The following RORA variants were observed in gnomAD, a reference collection of about 807,000 sequenced individuals.
RORA encodes the protein nuclear receptor ROR-alpha.
In RORA, 7 loss-of-function variants were observed where a neutral mutation model predicts 69.5. That is an observed-to-expected ratio of 0.10 (90% CI 0.06 to 0.19). The LOEUF (loss-of-function observed/expected upper bound fraction) is 0.19. RORA is among the 10% of genes least tolerant of loss of function. RORA has a pLI of 1.00. For synonymous variants in RORA, 261 were observed against 240.8 expected (o/e 1.08, Z -0.78); for missense variants, 457 against 663.0 (o/e 0.69, Z 3.41).
rs1159453576 is a variant in RORA at position 60,490,058 on chromosome 15, TAC to T, written c.*7395_*7396del. On this transcript the variant is annotated 3_prime_UTR_variant, in exon 11 of 11. Coordinates refer to ENST00000335670, the MANE Select transcript of RORA (RefSeq NM_134261.3). The surrounding 1 kb of genome is among the most constrained non-coding windows in gnomAD (Gnocchi z 4.1). Reference sequence around the variant, plus strand: ...AGGAAGTAATTTTATCCTAATTAAATACACTCTAGAATAATTTATATAATGAT... The same window carrying T: ...AGGAAGTAATTTTATCCTAATTAAATACTCTAGAATAATTTATATAATGAT... 1 of 151,882 alleles carries T rather than the reference TAC, an allele frequency of 6.6e-6. No homozygotes were observed. Among genetic ancestry groups the T allele is most frequent in the Non-Finnish European group, 1.5e-5 (1 of 67,940 alleles). 9.4% of individuals were successfully genotyped at this position (151,882 alleles called of 1,614,324 possible). A position where few individuals can be genotyped will look rare whatever the true frequency, so the allele number is the denominator to read the frequency against.
intron 2 of RORA, among the ~76,000 whole-genome samples, chr15:60,566,724 G>A (rs2067723056): frequency 6.6e-6 from 1 of 152,182 alleles, no homozygotes; most frequent in South Asian, 2.1e-4. Flanking sequence ...CACAGAGAAT[G>A]AATATCGCAC....
In RORA at chr15:60,500,021, G is replaced by T. The variant is rs769310097; in HGVS notation, c.1295-17C>A. 1.5e-5 allele frequency: 23 copies of T among 1,506,054 alleles called. No individual in the cohort carries two copies. The East Asian group carries it at 3.6e-4, about 24-fold the overall frequency. 93.3% of individuals were successfully genotyped at this position (1,506,054 alleles called of 1,614,324 possible). On this transcript the variant is annotated splice_polypyrimidine_tract_variant and intron_variant, in intron 9 of 10. Coordinates refer to ENST00000335670, the MANE Select transcript of RORA (RefSeq NM_134261.3). ...ATGAGCGATCTAAGCATAAAAAAAT[G>T]ATATTCTTTAGCATTCCTCTGACAT...
At chr15:60,752,695 G>C (rs1191823310) in intron 1 of RORA, among the ~76,000 whole-genome samples, 1 of 150,794 alleles carries the variant, frequency 6.6e-6, no homozygotes, top group African/African-American at 2.4e-5. Context: ...GCACTGCTGG[G>C]AAAACAACCA....
At chr15:60,669,847 G>T (rs956531454) in intron 2 of RORA, among the ~76,000 whole-genome samples, 5 of 152,188 alleles carry the variant, frequency 3.3e-5, no homozygotes, top group African/African-American at 1.2e-4. Context: ...ATTACTGAAA[G>T]TTCCTCAAAT....
chr15:60,825,566 T>C (rs1038652560), intron 1 of RORA, among the ~76,000 whole-genome samples: 1 of 152,180 alleles, frequency 6.6e-6, no homozygotes, highest in Admixed American at 6.5e-5. Flanking sequence ...AGTGAAATCC[T>C]AGCATATACA....
rs79947002 is a variant in RORA, at chr15:60,662,876, C to T, written c.196+15781G>A. 6.2e-3 allele frequency among the ~76,000 whole-genome samples: 939 copies of T among 152,294 alleles called. 44 individuals carry two copies. The East Asian group carries it at 0.091, about 15-fold the overall frequency. ...CCTTTAGGATGGAGGCCCTCATTCC[C>T]CTGGGGCCCTGAGTGTTGACTGCCA... On this transcript the variant is annotated intron_variant, in intron 2 of 10. Transcript: ENST00000335670.
rs34024444 is a variant in RORA at position 60,943,306 on chromosome 15, A to ATT, written c.167-264622_167-264621dup. Among the ~76,000 whole-genome samples, 48 of 146,370 alleles carry ATT rather than the reference A, an allele frequency of 3.3e-4. No individual in the cohort carries two copies. The East Asian group carries it at 6.4e-3, about 20-fold the overall frequency. ...TTTAACCTCTCACATGTCTTTCTTA[A>ATT]TTTTTTTTTTTTTTCACTTTTAAAG... On this transcript the variant is annotated intron_variant, in intron 1 of 10. Coordinates refer to ENST00000335670, the MANE Select transcript of RORA (RefSeq NM_134261.3).
intron 2 of RORA, among the ~76,000 whole-genome samples, chr15:60,646,460 T>G (rs1343147683): frequency 6.6e-6 from 1 of 152,212 alleles, no homozygotes; most frequent in Non-Finnish European, 1.5e-5. Flanking sequence ...CCTCATGGTA[T>G]CACTTTTGAA....
chr15:60,839,742 T>C (rs1412755705), intron 1 of RORA, among the ~76,000 whole-genome samples: 1 of 151,928 alleles, frequency 6.6e-6, no homozygotes, highest in East Asian at 1.9e-4. Context: ...CCCCATGGAG[T>C]TGTGAGACAC....
chr15:60,890,199 C>T (rs1204658089), intron 1 of RORA, among the ~76,000 whole-genome samples: 1 of 152,164 alleles, frequency 6.6e-6, no homozygotes, highest in Non-Finnish European at 1.5e-5. Context: ...GGCACTTTCA[C>T]GTTCATTTAT....
intron 1 of RORA, among the ~76,000 whole-genome samples, chr15:60,900,903 C>G (rs886858273): frequency 2.0e-5 from 3 of 151,890 alleles, no homozygotes; most frequent in Non-Finnish European, 4.4e-5. Flanking sequence ...AAAATAGGAC[C>G]ATATGGCCTT....
chr15:60,542,557 CCT>C (rs1456284880), intron 2 of RORA, among the ~76,000 whole-genome samples: 1 of 130,288 alleles, frequency 7.7e-6, no homozygotes, highest in Non-Finnish European at 1.5e-5. Context: ...CACATGCACA[CCT>C]CACACACACG....
At chr15:60,954,923 ATACT>A (rs1893222444) in intron 1 of RORA, among the ~76,000 whole-genome samples, 2 of 152,152 alleles carry the variant, frequency 1.3e-5, no homozygotes, top group Non-Finnish European at 2.9e-5. Flanking sequence ...GACTCAATAC[ATACT>A]TACTGAGGAA....
intron 5 of RORA, among the ~76,000 whole-genome samples, chr15:60,508,248 C>T (rs1363498177): frequency 6.6e-6 from 1 of 152,092 alleles, no homozygotes; most frequent in African/African-American, 2.4e-5. Flanking sequence ...TATAGTCTAC[C>T]TCACTTTGTG....
At chr15:60,841,530 G>GC (rs2073198505) in intron 1 of RORA, among the ~76,000 whole-genome samples, 2 of 152,160 alleles carry the variant, frequency 1.3e-5, no homozygotes, top group Non-Finnish European at 2.9e-5. Context: ...GGAGGCCCCT[G>GC]CCATTGCTTC....
chr15:61,085,548 G>T lies in RORA; in HGVS notation c.166+143505C>A, dbSNP rs80219611. Reference sequence around the variant, plus strand: ...CAGTAGGTTGGGGCCAGGGCCTGAGGATCTGCATTTCTAACATGCTCCCTG... The same window carrying T: ...CAGTAGGTTGGGGCCAGGGCCTGAGTATCTGCATTTCTAACATGCTCCCTG... On this transcript the variant is annotated intron_variant, in intron 1 of 10. Coordinates refer to ENST00000335670, the MANE Select transcript of RORA (RefSeq NM_134261.3). Among the ~76,000 whole-genome samples, 294 of 152,346 alleles carry T rather than the reference G, an allele frequency of 1.9e-3. 7 individuals carry two copies. The East Asian group carries it at 0.053, about 28-fold the overall frequency.
At chr15:60,833,022 A>C (rs906443479) in intron 1 of RORA, among the ~76,000 whole-genome samples, 1 of 151,586 alleles carries the variant, frequency 6.6e-6, no homozygotes, top group Non-Finnish European at 1.5e-5. Context: ...CTCCTGCCTC[A>C]GCCTCCTGAG....
At chr15:61,149,173 C>T (rs144561633) in intron 1 of RORA, among the ~76,000 whole-genome samples, 1,681 of 152,338 alleles carry the variant, frequency 0.011, 33 homozygotes, top group African/African-American at 0.039. Context: ...GCAGCCTCCT[C>T]GCCAGCTTCC....
chr15:60,516,465 A>G (rs1242361188), intron 3 of RORA, among the ~76,000 whole-genome samples: 1 of 150,602 alleles, frequency 6.6e-6, no homozygotes, highest in East Asian at 2.0e-4. Context: ...AAATAAGGTA[A>G]GTAGAGTCAT....
Sources: gnomAD v4.1 joint callset for allele counts (sites outside exome capture counted in the v4.1 genomes callset) on GRCh38, gnomAD v4.1.1 for gene constraint, Gnocchi (gnomAD v3.1) non-coding constraint, MANE v1.5 for transcripts, NCBI Gene and HGNC (gene_info 2026-07-23, HGNC 2026-07-21) for gene names.